ADAMTS6: variants seen among roughly 807,000 people sequenced by gnomAD.
ADAMTS6 encodes the protein A disintegrin and metalloproteinase with thrombospondin motifs 6.
Under a neutral mutation model 144.3 loss-of-function variants are expected in ADAMTS6, and 23 were observed. The ratio of observed to expected loss-of-function variants is 0.16; its 90% CI spans 0.11 to 0.23. The LOEUF (loss-of-function observed/expected upper bound fraction) is 0.23, where lower values mean the gene tolerates loss of function less well. Among genes scored for constraint, ADAMTS6 ranks in the 10% least tolerant of loss-of-function variants. The pLI, the probability that ADAMTS6 is intolerant of heterozygous loss-of-function variation, is 1.00. For missense variants in ADAMTS6, 999 were observed against 1,379.6 expected (o/e 0.72, Z 4.37); for synonymous variants, 444 against 457.5 (o/e 0.97, Z 0.38).
chr5:65,388,021 G>A (rs1334421411), intron 7 of ADAMTS6, among the ~76,000 whole-genome samples: 2 of 12,024 alleles, frequency 1.7e-4, no homozygotes, highest in Non-Finnish European at 3.0e-4. Flanking sequence ...GACCAGCCTG[G>A]CCAACGTGGC....
At chr5:65,342,263 C>T (rs1389445689) in intron 7 of ADAMTS6, among the ~76,000 whole-genome samples, 1 of 152,084 alleles carries the variant, frequency 6.6e-6, no homozygotes, top group Non-Finnish European at 1.5e-5. Context: ...TTAATGGACT[C>T]ACAGTTCCAT....
chr5:65,369,530 C>T (rs533493178), intron 7 of ADAMTS6, among the ~76,000 whole-genome samples: 60 of 137,668 alleles, frequency 4.4e-4, no homozygotes, highest in African/African-American at 1.3e-3. Flanking sequence ...ATCACTGTTA[C>T]GCTTCATTAA....
intron 7 of ADAMTS6, among the ~76,000 whole-genome samples, chr5:65,435,111 T>G (rs577990291): frequency 7.9e-5 from 12 of 152,172 alleles, no homozygotes; most frequent in Non-Finnish European, 1.8e-4. Flanking sequence ...AAAGGATAAC[T>G]GCAGTTTTTT....
At chr5:65,167,081 A>C (rs1753215946) in intron 24 of ADAMTS6, among the ~76,000 whole-genome samples, 1 of 145,336 alleles carries the variant, frequency 6.9e-6, no homozygotes, top group African/African-American at 2.5e-5. Flanking sequence ...TCAAAAAATC[A>C]ATGAATCCAG....
At chr5:65,472,307 A>G (rs1357412932) in intron 2 of ADAMTS6, among the ~76,000 whole-genome samples, 1 of 152,176 alleles carries the variant, frequency 6.6e-6, no homozygotes, top group Non-Finnish European at 1.5e-5. Context: ...GGAAGTGACC[A>G]CTAAGAAGTA....
At chr5:65,363,180 C>G (rs76516597) in intron 7 of ADAMTS6, among the ~76,000 whole-genome samples, 1 of 152,082 alleles carries the variant, frequency 6.6e-6, no homozygotes, top group African/African-American at 2.4e-5. Flanking sequence ...ATAATTCTCA[C>G]GTAAATAAAA....
At position 65,258,563 on chromosome 5, in the gene ADAMTS6, G is replaced by T. The variant is rs373107791; in HGVS notation, c.1830+2037C>A. Reference sequence around the variant, plus strand: ...ATATCGAGGACTGGATAGCAAAGGGGAATCCTCATAAAAGGCTATTAGAGT... The same window carrying T: ...ATATCGAGGACTGGATAGCAAAGGGTAATCCTCATAAAAGGCTATTAGAGT... On this transcript the variant is annotated intron_variant, in intron 14 of 24. Transcript: ENST00000381055. 1.9e-3 allele frequency among the ~76,000 whole-genome samples: 294 copies of T among 152,288 alleles called. 2 individuals carry two copies. Among genetic ancestry groups the T allele is most frequent in the African/African-American group, 6.8e-3 (281 of 41,548 alleles).
chr5:65,310,145 C>A lies in ADAMTS6; in HGVS notation c.1224-10014G>T, dbSNP rs114237717. On this transcript the variant is annotated intron_variant, in intron 9 of 24. Coordinates refer to ENST00000381055, the MANE Select transcript of ADAMTS6 (RefSeq NM_197941.4). ...CTCTCTTGCTCCTGCTCCCGCCATG[C>A]GAGATACCTCACTTCCCCTTTGCCT... Among the ~76,000 whole-genome samples the A allele has an allele frequency of 2.9e-3, 434 of 151,790 alleles. 2 individuals carry two copies. Among genetic ancestry groups the A allele is most frequent in the African/African-American group, 0.01 (421 of 41,370 alleles).
chr5:65,251,486 C>T (rs1760152795), intron 14 of ADAMTS6: 1 of 152,198 alleles, frequency 6.6e-6, no homozygotes, highest in African/African-American at 2.4e-5. Context: ...TTAATAAATG[C>T]TCCTGGTTTC....
intron 7 of ADAMTS6, among the ~76,000 whole-genome samples, chr5:65,359,806 T>C (rs1749662846): frequency 1.3e-5 from 2 of 151,264 alleles, no homozygotes; most frequent in South Asian, 4.2e-4. Flanking sequence ...AAAAAAAAAG[T>C]GAAACTCACA....
chr5:65,325,092 C>T (rs76784859), intron 9 of ADAMTS6, among the ~76,000 whole-genome samples: 3,578 of 152,134 alleles, frequency 0.024, 73 homozygotes, highest in South Asian at 0.036. Flanking sequence ...AAAAGCAAGC[C>T]TAATCTATAG....
intron 15 of ADAMTS6, among the ~76,000 whole-genome samples, chr5:65,239,756 T>C (rs1162581622): frequency 2.0e-5 from 3 of 152,118 alleles, no homozygotes; most frequent in Non-Finnish European, 4.4e-5. Context: ...AATAAATATA[T>C]GAAAACGTGC....
chr5:65,376,212 G>C (rs954741210), intron 7 of ADAMTS6, among the ~76,000 whole-genome samples: 6 of 152,202 alleles, frequency 3.9e-5, no homozygotes, highest in African/African-American at 1.4e-4. Context: ...GTATACATAT[G>C]TAACTAACCT....
At chr5:65,408,110 C>T (rs1561513877) in intron 7 of ADAMTS6, among the ~76,000 whole-genome samples, 2 of 152,176 alleles carry the variant, frequency 1.3e-5, no homozygotes, top group Non-Finnish European at 2.9e-5. Flanking sequence ...AAATAACCAG[C>T]TAACATCATA....
At chr5:65,239,783 A>G (rs1759008637) in intron 15 of ADAMTS6, among the ~76,000 whole-genome samples, 1 of 152,198 alleles carries the variant, frequency 6.6e-6, no homozygotes, top group Non-Finnish European at 1.5e-5. Context: ...TTATCATGAG[A>G]AAATGGAAAC....
At chr5:65,417,230 A>C (rs1755611533) in intron 7 of ADAMTS6, among the ~76,000 whole-genome samples, 1 of 152,176 alleles carries the variant, frequency 6.6e-6, no homozygotes, top group African/African-American at 2.4e-5. Context: ...AATAAATCTC[A>C]AAATAATAAG....
intron 13 of ADAMTS6, 39 bp downstream of exon 13, chr5:65,262,776 CTG>C: frequency 6.8e-7 from 1 of 1,471,920 alleles, no homozygotes; most frequent in Non-Finnish European, 9.0e-7. Flanking sequence ...TCATTTCCAA[CTG>C]TGTCTTTTTG....
chr5:65,370,378 T>G (rs1301854194), intron 7 of ADAMTS6, among the ~76,000 whole-genome samples: 1 of 152,080 alleles, frequency 6.6e-6, no homozygotes, highest in Admixed American at 6.5e-5. Context: ...TTCATCTCAC[T>G]AGGGAGTGTC....
chr5:65,380,715 C>A (rs1262869418), intron 7 of ADAMTS6, among the ~76,000 whole-genome samples: 1 of 152,128 alleles, frequency 6.6e-6, no homozygotes, highest in Non-Finnish European at 1.5e-5. Context: ...GTATTGGCCA[C>A]AGATTTTTTG....
Sources: gnomAD v4.1 joint callset for allele counts (sites outside exome capture counted in the v4.1 genomes callset) on GRCh38, gnomAD v4.1.1 for gene constraint, MANE v1.5 for transcripts, NCBI Gene and HGNC (gene_info 2026-07-23, HGNC 2026-07-21) for gene names.